Variants in HTR1E observed in about 807,000 individuals in gnomAD.
The protein encoded by HTR1E is 5-hydroxytryptamine receptor 1E, also known as 5-HT-1E.
Under a neutral mutation model 3.4 loss-of-function variants are expected in HTR1E, and 3 were observed. The ratio of observed to expected loss-of-function variants is 0.89; its 90% CI spans 0.41 to 2.31. The LOEUF (loss-of-function observed/expected upper bound fraction) is 2.31, where lower values mean the gene tolerates loss of function less well. Among genes scored for constraint, HTR1E ranks in the 30% most tolerant of loss-of-function variants. The pLI, the probability that HTR1E is intolerant of heterozygous loss-of-function variation, is 0.05. For synonymous variants in HTR1E, 170 were observed against 182.8 expected (o/e 0.93, Z 0.56); for missense variants, 392 against 467.0 (o/e 0.84, Z 1.48).
At chr6:86,998,058 T>C (rs1397608541) in intron 1 of HTR1E, among the ~76,000 whole-genome samples, 1 of 151,994 alleles carries the variant, frequency 6.6e-6, no homozygotes, top group Non-Finnish European at 1.5e-5. Context: ...AATGTGTATG[T>C]ATATATCTAA....
intron 1 of HTR1E, among the ~76,000 whole-genome samples, chr6:86,939,279 G>C (rs1025006851): frequency 4.6e-5 from 7 of 152,214 alleles, no homozygotes; most frequent in Admixed American, 1.3e-4. Context: ...GTGGGACTCA[G>C]CTCAGTTTCT....
At chr6:86,996,713 A>G (rs1767944111) in intron 1 of HTR1E, among the ~76,000 whole-genome samples, 1 of 152,082 alleles carries the variant, frequency 6.6e-6, no homozygotes, top group African/African-American at 2.4e-5. Context: ...AACAGTTTAA[A>G]TAGGCCTATA....
intron 1 of HTR1E, among the ~76,000 whole-genome samples, chr6:86,977,870 T>C (rs964491274): frequency 6.6e-6 from 1 of 152,210 alleles, no homozygotes; most frequent in Admixed American, 6.5e-5. Context: ...CTTTAAGAAG[T>C]GTCTGTTAAT....
chr6:86,983,187 A>T (rs866678409), intron 1 of HTR1E, among the ~76,000 whole-genome samples: 5 of 152,208 alleles, frequency 3.3e-5, no homozygotes, highest in Non-Finnish European at 5.9e-5. Flanking sequence ...TTCAGATCTA[A>T]CTTAACATGT....
At chr6:86,965,774 G>A (rs915350617) in intron 1 of HTR1E, among the ~76,000 whole-genome samples, 8 of 152,172 alleles carry the variant, frequency 5.3e-5, no homozygotes, top group East Asian at 1.9e-4. Flanking sequence ...AACACTGTAC[G>A]TCCTCACTCA....
At chr6:86,950,940 A>G (rs1767231020) in intron 1 of HTR1E, among the ~76,000 whole-genome samples, 1 of 152,190 alleles carries the variant, frequency 6.6e-6, no homozygotes, top group Non-Finnish European at 1.5e-5. Flanking sequence ...TCCAAAGGTG[A>G]TCATCTTCTC....
At position 86,973,767 on chromosome 6, in the gene HTR1E, G is replaced by T. The variant is rs112951834; in HGVS notation, c.-186+35944G>T. Among the ~76,000 whole-genome samples the T allele has an allele frequency of 2.0e-3, 311 of 152,324 alleles. 3 individuals carry two copies. Among genetic ancestry groups the T allele is most frequent in the Middle Eastern group, 0.01 (3 of 294 alleles). On this transcript the variant is annotated intron_variant, in intron 1 of 1. Transcript: ENST00000305344. The stretch of plus-strand genomic sequence containing the variant: ...ATAATGTTACCTGGAAGAGAGCTTA[G>T]AAAGAATACAAGTTCAAGCTAACCC...
At position 87,015,601 on chromosome 6, in the gene HTR1E, G is replaced by A; in HGVS notation, c.267G>A (p.Lys89=). 1 of 1,614,170 alleles carries A rather than the reference G, an allele frequency of 6.2e-7. No homozygotes were observed. The highest frequency in any genetic ancestry group is 8.5e-7 in the Non-Finnish European group (1 of 1,180,002). ...TCTACATTGTCATGGATCGCTGGAAGCTTGGGTACTTCCTCTGTGAGGTGT... is the reference window on the plus strand; with the variant it reads ...TCTACATTGTCATGGATCGCTGGAAACTTGGGTACTTCCTCTGTGAGGTGT... ...SIIYIVMDRW[K]LGYFLCEVWL... The change falls in exon 2 of 2, where the codon AAG becomes AAA. Residue 89 remains lysine (K), a synonymous_variant. Transcript: ENST00000305344.
At chr6:87,005,282 G>A (rs1202600007) in intron 1 of HTR1E, among the ~76,000 whole-genome samples, 1 of 152,050 alleles carries the variant, frequency 6.6e-6, no homozygotes, top group African/African-American at 2.4e-5. Flanking sequence ...AGTAGTCAAA[G>A]CCATTCTGAG....
At chr6:86,972,386 C>T (rs1304816524) in intron 1 of HTR1E, among the ~76,000 whole-genome samples, 1 of 152,148 alleles carries the variant, frequency 6.6e-6, no homozygotes, top group Non-Finnish European at 1.5e-5. Context: ...GTTACCTAAA[C>T]TGAGTGAAGT....
At chr6:86,938,280 G>A (rs979009048) in intron 1 of HTR1E, among the ~76,000 whole-genome samples, 1 of 152,188 alleles carries the variant, frequency 6.6e-6, no homozygotes, top group Admixed American at 6.5e-5. Context: ...AGAAAGGACT[G>A]CACTGTTGCT....
intron 1 of HTR1E, among the ~76,000 whole-genome samples, chr6:86,970,102 G>A (rs554065435): frequency 6.6e-6 from 1 of 152,220 alleles, no homozygotes; most frequent in East Asian, 1.9e-4. Flanking sequence ...TCTAGAAAAC[G>A]ACTGCAACTT....
At chr6:86,965,928 T>A (rs75286999) in intron 1 of HTR1E, among the ~76,000 whole-genome samples, 1 of 151,818 alleles carries the variant, frequency 6.6e-6, no homozygotes, top group Non-Finnish European at 1.5e-5. Flanking sequence ...GATGGATGCA[T>A]CAAAATGTCA....
intron 1 of HTR1E, among the ~76,000 whole-genome samples, chr6:86,973,389 A>AG (rs1767589029): frequency 6.6e-6 from 1 of 151,924 alleles, no homozygotes; most frequent in South Asian, 2.1e-4. Flanking sequence ...TGAGGCTGAC[A>AG]GGGAACGCAG....
At chr6:86,941,854 G>A (rs2127815052) in intron 1 of HTR1E, among the ~76,000 whole-genome samples, 1 of 151,966 alleles carries the variant, frequency 6.6e-6, no homozygotes, top group South Asian at 2.1e-4. Flanking sequence ...AGGAATGAAG[G>A]AAGGAAAGAA....
chr6:87,011,121 T>C (rs1768226794), intron 1 of HTR1E, among the ~76,000 whole-genome samples: 1 of 152,226 alleles, frequency 6.6e-6, no homozygotes, highest in Admixed American at 6.5e-5. Flanking sequence ...CTCTGAATTT[T>C]TGGTAGGCAA....
intron 1 of HTR1E, among the ~76,000 whole-genome samples, chr6:86,971,998 G>A (rs1203881277): frequency 1.3e-5 from 2 of 152,150 alleles, no homozygotes; most frequent in Non-Finnish European, 2.9e-5. Flanking sequence ...AGATAATTGA[G>A]GGGTGAATGT....
intron 1 of HTR1E, among the ~76,000 whole-genome samples, chr6:87,007,956 A>C (rs1256469133): frequency 1.3e-5 from 2 of 152,144 alleles, no homozygotes; most frequent in Admixed American, 6.5e-5. Context: ...AAACTCTTCT[A>C]CTTGTCAAAA....
chr6:86,961,696 A>G (rs1767410303), intron 1 of HTR1E, among the ~76,000 whole-genome samples: 1 of 152,216 alleles, frequency 6.6e-6, no homozygotes, highest in Non-Finnish European at 1.5e-5. Flanking sequence ...GGATGAGGTC[A>G]TGCCTTTGAG....
Sources: gnomAD v4.1 joint callset for allele counts (sites outside exome capture counted in the v4.1 genomes callset) on GRCh38, gnomAD v4.1.1 for gene constraint, MANE v1.5 for transcripts, NCBI Gene and HGNC (gene_info 2026-07-23, HGNC 2026-07-21) for gene names.